The following DMD variants were observed in gnomAD, a reference collection of about 807,000 sequenced individuals.
DMD encodes dystrophin.
DMD carries 63 observed loss-of-function variants against 330.1 expected under a neutral mutation model. The ratio of observed to expected loss-of-function variants is 0.19; its 90% CI spans 0.16 to 0.24. The LOEUF (loss-of-function observed/expected upper bound fraction) is 0.24, where lower values mean the gene tolerates loss of function less well. DMD is among the 10% of genes least tolerant of loss of function. The pLI, the probability that DMD is intolerant of heterozygous loss-of-function variation, is 1.00. For synonymous variants in DMD, 1,223 were observed against 959.8 expected, an observed-to-expected ratio of 1.27 and a Z score of -5.07; for missense variants, 3,344 against 2,684.1, an observed-to-expected ratio of 1.25 and a Z score of -5.43.
At chrX:32,355,906 C>A (rs1365843494) in intron 37 of DMD, among the ~76,000 whole-genome samples, 1 of 109,365 alleles carries the variant, frequency 9.1e-6, no homozygotes. Flanking sequence ...CTACAATGTA[C>A]CTACAAAAAT....
At chrX:31,986,417 T>C (rs996411257) in intron 44 of DMD, among the ~76,000 whole-genome samples, 1 of 110,575 alleles carries the variant, frequency 9.0e-6, no homozygotes, top group African/African-American at 3.3e-5. Flanking sequence ...TGTTTGTTTG[T>C]TTTGTTTTTT....
Position 31,498,588 on chromosome X carries a change from T to C in DMD, c.8391-1644A>G, listed in dbSNP as rs1422871628. Among the ~76,000 whole-genome samples the C allele has an allele frequency of 2.7e-5, 3 of 112,217 alleles. No individual in the cohort carries two copies. In the East Asian group the frequency reaches 8.3e-4, roughly 31 times the overall value. ...TTTCTAAAACATTTGTGTATGTGTATGTATTTGTATGCACATGCTTGACTA... is the reference window on the plus strand; with the variant it reads ...TTTCTAAAACATTTGTGTATGTGTACGTATTTGTATGCACATGCTTGACTA... On this transcript the variant is annotated intron_variant, in intron 56 of 78. Coordinates refer to ENST00000357033, the MANE Select transcript of DMD (RefSeq NM_004006.3).
intron 13 of DMD, among the ~76,000 whole-genome samples, chrX:32,576,833 C>A (rs921644899): frequency 3.6e-5 from 4 of 110,459 alleles, no homozygotes; most frequent in Non-Finnish European, 7.6e-5. Flanking sequence ...TTAAAGTGTT[C>A]TTTATATCCA....
rs183074160 is a variant in DMD, at chrX:32,438,987, C to A, written c.3922-597G>T. On this transcript the variant is annotated intron_variant, in intron 28 of 78. Transcript: ENST00000357033. ...AAAAGATCATTTTGTGAGCTTAAAC[C>A]GTTGTCTGATTCTCTGTTACGTACA... Among the ~76,000 whole-genome samples the A allele has an allele frequency of 3.4e-4, 38 of 111,146 alleles. No homozygotes were observed. The East Asian group carries it at 9.7e-3, about 28-fold the overall frequency.
intron 43 of DMD, among the ~76,000 whole-genome samples, chrX:32,251,204 A>C (rs1334775086): frequency 9.0e-6 from 1 of 110,841 alleles, no homozygotes; most frequent in Non-Finnish European, 1.9e-5. Context: ...ATTAAAAAAA[A>C]AAGTTCCTCA....
chrX:32,746,951 T>C (rs2070107424), intron 7 of DMD, among the ~76,000 whole-genome samples: 2 of 112,004 alleles, frequency 1.8e-5, no homozygotes, highest in Non-Finnish European at 3.8e-5. Flanking sequence ...ATATGAAAAC[T>C]TGTGATATTT....
chrX:31,724,723 T>C (rs1434780396), intron 52 of DMD, among the ~76,000 whole-genome samples: 1 of 112,176 alleles, frequency 8.9e-6, no homozygotes, highest in Non-Finnish European at 1.9e-5. Flanking sequence ...ATATGTACCA[T>C]TTAATGAGCA....
At chrX:32,719,107 T>C (rs191716298) in intron 7 of DMD, among the ~76,000 whole-genome samples, 14 of 111,961 alleles carry the variant, frequency 1.3e-4, no homozygotes, top group Non-Finnish European at 2.4e-4. Context: ...TGGACATAGT[T>C]GGAAATACTA....
intron 55 of DMD, among the ~76,000 whole-genome samples, chrX:31,543,671 T>C (rs1212250877): frequency 8.9e-6 from 1 of 112,418 alleles, no homozygotes; most frequent in Non-Finnish European, 1.9e-5. Flanking sequence ...ATTATAGATA[T>C]GAAACATACT....
intron 21 of DMD, among the ~76,000 whole-genome samples, chrX:32,479,949 A>G (rs781295268): frequency 1.8e-5 from 2 of 111,411 alleles, no homozygotes; most frequent in East Asian, 5.7e-4. Flanking sequence ...CAGGAAAGGA[A>G]ACTATTAACA....
intron 1 of DMD, among the ~76,000 whole-genome samples, chrX:33,175,415 G>A (rs756390002): frequency 6.2e-5 from 7 of 112,303 alleles, no homozygotes; most frequent in Non-Finnish European, 1.1e-4. Flanking sequence ...GCCTATTTAC[G>A]TATATTATGC....
intron 44 of DMD, among the ~76,000 whole-genome samples, chrX:32,189,055 TAATATG>T (rs2096960013): frequency 9.0e-6 from 1 of 111,149 alleles, no homozygotes; most frequent in South Asian, 3.7e-4. Context: ...TTATAGTCAT[TAATATG>T]AATAAAAGCT....
chrX:31,190,794 T>C (rs1795615647), intron 67 of DMD, among the ~76,000 whole-genome samples: 1 of 110,629 alleles, frequency 9.0e-6, no homozygotes, highest in Admixed American at 9.7e-5. Flanking sequence ...CATAACCATA[T>C]GGTTCACTTG....
intron 1 of DMD, among the ~76,000 whole-genome samples, chrX:33,298,083 CAAA>C (rs1324117447): frequency 1.8e-5 from 2 of 110,767 alleles, no homozygotes; most frequent in East Asian, 5.7e-4. Flanking sequence ...AAATTAACAA[CAAA>C]AAAGTATCCC....
At position 31,679,385 on chromosome X, in the gene DMD, G is replaced by A; in HGVS notation, c.7862C>T (p.Thr2621Ile). The A allele has an allele frequency of 8.3e-7, 1 of 1,205,751 alleles. No individual in the cohort carries two copies. The highest frequency in any genetic ancestry group is 1.1e-6 in the Non-Finnish European group (1 of 891,842). ...ATCTTTGATACTAACCTTGGTTTCT[G>A]TGATTTTCTTTTGGATTGCATCTAC... ...YTVDAIQKKITETKQLAKDLR... is the reference protein window; with the variant it reads ...YTVDAIQKKIIETKQLAKDLR... Residue 2621 changes from threonine (T) to isoleucine (I), a missense_variant, in exon 53 of 79, where the codon ACA becomes ATA. Physicochemically the swap from Thr to Ile is moderately conservative, Grantham distance 89. Coordinates refer to ENST00000357033, the MANE Select transcript of DMD (RefSeq NM_004006.3).
At chrX:33,028,407 G>T (rs1296278736) in intron 1 of DMD, among the ~76,000 whole-genome samples, 2 of 111,790 alleles carry the variant, frequency 1.8e-5, no homozygotes, top group Non-Finnish European at 3.8e-5. Flanking sequence ...GAGGTTACAG[G>T]CTAGATTATT....
intron 49 of DMD, among the ~76,000 whole-genome samples, chrX:31,825,162 C>G (rs17283316): frequency 0.069 from 7,667 of 111,410 alleles, 207 homozygotes; most frequent in Non-Finnish European, 0.089. Flanking sequence ...TGTGAAGTTT[C>G]TGTAACCCTA....
chrX:32,031,646 C>A (rs1453622126), intron 44 of DMD, among the ~76,000 whole-genome samples: 1 of 112,070 alleles, frequency 8.9e-6, no homozygotes, highest in Non-Finnish European at 1.9e-5. Flanking sequence ...ACTCTTTAAG[C>A]AATCTCATGT....
chrX:32,342,011 T>A, intron 41 of DMD, 89 bp downstream of exon 41: 1 of 945,200 alleles, frequency 1.1e-6, no homozygotes, highest in East Asian at 3.5e-5. Context: ...TGTACCCAGA[T>A]TTTTTGTCTC....
Sources: gnomAD v4.1 joint callset for allele counts (sites outside exome capture counted in the v4.1 genomes callset) on GRCh38, gnomAD v4.1.1 for gene constraint, MANE v1.5 for transcripts, NCBI Gene and HGNC (gene_info 2026-07-23, HGNC 2026-07-21) for gene names.